Variants in OPCML observed in about 807,000 individuals in gnomAD.
OPCML encodes the protein opioid-binding protein/cell adhesion molecule.
A neutral mutation model predicts 37.8 loss-of-function variants in OPCML; 13 were observed. That is an observed-to-expected ratio of 0.34 (90% confidence interval 0.22 to 0.55). The LOEUF is 0.55. Ranked by LOEUF, OPCML falls within the 20% of genes least tolerant of loss-of-function variation. OPCML has a pLI of 0.91. For missense variants in OPCML, 341 were observed against 435.6 expected (o/e 0.78, Z 1.93); for synonymous variants, 176 against 168.8 (o/e 1.04, Z -0.33).
intron 1 of OPCML, among the ~76,000 whole-genome samples, chr11:133,106,238 G>T (rs1050313972): frequency 1.3e-5 from 2 of 152,192 alleles, no homozygotes; most frequent in African/African-American, 2.4e-5. Flanking sequence ...TGGAGGAAAA[G>T]AAGTTTTATG....
intron 1 of OPCML, among the ~76,000 whole-genome samples, chr11:133,454,987 A>G (rs1039258547): frequency 5.9e-5 from 9 of 152,000 alleles, no homozygotes; most frequent in Admixed American, 2.0e-4. Context: ...TTTTTTTCCC[A>G]TCTGGATTAT....
chr11:132,508,690 C>G (rs958375717), intron 4 of OPCML, among the ~76,000 whole-genome samples: 2 of 152,132 alleles, frequency 1.3e-5, no homozygotes, highest in East Asian at 3.9e-4. Context: ...GGGGTTTCCG[C>G]TTTTGCTTTT....
intron 2 of OPCML, among the ~76,000 whole-genome samples, chr11:132,896,622 G>C (rs1223607787): frequency 6.6e-6 from 1 of 152,190 alleles, no homozygotes; most frequent in Admixed American, 6.5e-5. Context: ...TTACATCAGA[G>C]ATATATCAAC....
intron 1 of OPCML, among the ~76,000 whole-genome samples, chr11:133,138,648 T>C (rs555864925): frequency 6.6e-6 from 1 of 152,234 alleles, no homozygotes; most frequent in African/African-American, 2.4e-5. Context: ...CAAATCCCAT[T>C]TATGCCTAAA....
chr11:132,752,860 T>A lies in OPCML; in HGVS notation c.147-95541A>T, dbSNP rs548846066. Reference sequence around the variant, plus strand: ...CCTGAGGAATTTTAGGTCTCTCAGTTGGCTCTTGTTGAGTCCACCTTCTAA... The same window carrying A: ...CCTGAGGAATTTTAGGTCTCTCAGTAGGCTCTTGTTGAGTCCACCTTCTAA... On this transcript the variant is annotated intron_variant, in intron 2 of 7. Coordinates refer to ENST00000524381, the MANE Select transcript of OPCML (RefSeq NM_001012393.5). Among the ~76,000 whole-genome samples the A allele has an allele frequency of 5.9e-4, 90 of 152,284 alleles. 2 individuals are homozygous for A. The highest frequency in any genetic ancestry group is 5.8e-3 in the South Asian group (28 of 4,826).
intron 1 of OPCML, among the ~76,000 whole-genome samples, chr11:133,199,740 C>T (rs142106967): frequency 5.3e-5 from 8 of 152,314 alleles, no homozygotes; most frequent in African/African-American, 1.4e-4. Context: ...TTAATTAATG[C>T]TAACTACCAA....
intron 1 of OPCML, among the ~76,000 whole-genome samples, chr11:133,505,462 A>G (rs1455162642): frequency 6.6e-6 from 1 of 152,110 alleles, no homozygotes; most frequent in East Asian, 1.9e-4. Context: ...ACCTCCTACC[A>G]CCAAATGCAC....
chr11:132,740,382 A>T (rs1177468466), intron 2 of OPCML, among the ~76,000 whole-genome samples: 1 of 152,158 alleles, frequency 6.6e-6, no homozygotes, highest in South Asian at 2.1e-4. Flanking sequence ...TACACACTCC[A>T]TTAGTGTATG....
At chr11:132,726,602 A>G (rs1944894271) in intron 2 of OPCML, among the ~76,000 whole-genome samples, 1 of 152,144 alleles carries the variant, frequency 6.6e-6, no homozygotes, top group Non-Finnish European at 1.5e-5. Context: ...TCCAGTTACA[A>G]AAGAAATATT....
At chr11:132,505,048 A>G (rs781656898) in intron 4 of OPCML, among the ~76,000 whole-genome samples, 16 of 152,090 alleles carry the variant, frequency 1.1e-4, no homozygotes, top group Admixed American at 5.9e-4. Context: ...AAAAAGTACC[A>G]TTTCATAAAG....
chr11:132,907,361 A>G (rs1383882261), intron 2 of OPCML, among the ~76,000 whole-genome samples: 1 of 152,048 alleles, frequency 6.6e-6, no homozygotes, highest in Admixed American at 6.6e-5. Context: ...GCTTCAAGAA[A>G]TTGGCTCATG....
In OPCML at chr11:132,485,028, C is replaced by A. The variant is rs532412035; in HGVS notation, c.505+44033G>T. The stretch of plus-strand genomic sequence containing the variant: ...GCACATGTATACATATGTAACTAAC[C>A]TGCACATTGTGCACATGTACCCTAA... On this transcript the variant is annotated intron_variant, in intron 4 of 7. Transcript: ENST00000524381. Among the ~76,000 whole-genome samples the A allele has an allele frequency of 5.3e-4, 80 of 152,106 alleles. No homozygotes were observed. The South Asian group carries it at 0.01, about 19-fold the overall frequency.
intron 1 of OPCML, among the ~76,000 whole-genome samples, chr11:133,158,346 T>G (rs1349887518): frequency 6.6e-6 from 1 of 152,116 alleles, no homozygotes. Context: ...AAGTAAATGA[T>G]AATTATAAGG....
chr11:133,383,005 C>G (rs1254579849), intron 1 of OPCML, among the ~76,000 whole-genome samples: 1 of 152,092 alleles, frequency 6.6e-6, no homozygotes, highest in Non-Finnish European at 1.5e-5. Flanking sequence ...ACAACTCAGC[C>G]AAAAAGGAGC....
At chr11:133,425,569 A>C (rs565296150) in intron 1 of OPCML, among the ~76,000 whole-genome samples, 1 of 152,294 alleles carries the variant, frequency 6.6e-6, no homozygotes, top group South Asian at 2.1e-4. Flanking sequence ...TTAGCATGTA[A>C]TAGCTCCAAC....
At chr11:132,736,939 A>G (rs1591536716) in intron 2 of OPCML, among the ~76,000 whole-genome samples, 2 of 152,356 alleles carry the variant, frequency 1.3e-5, no homozygotes, top group Middle Eastern at 6.8e-3. Context: ...GTATATAGCA[A>G]TAGATAATTA....
chr11:133,204,897 T>C (rs1054758513), intron 1 of OPCML, among the ~76,000 whole-genome samples: 3 of 79,510 alleles, frequency 3.8e-5, no homozygotes, highest in South Asian at 3.9e-4. Flanking sequence ...TATATATATA[T>C]ATATATATAT....
intron 1 of OPCML, among the ~76,000 whole-genome samples, chr11:133,335,101 A>G (rs1007386187): frequency 2.0e-5 from 3 of 152,210 alleles, no homozygotes; most frequent in Non-Finnish European, 2.9e-5. Context: ...TGCTCTCTAC[A>G]TGTCATTAGC....
intron 1 of OPCML, among the ~76,000 whole-genome samples, chr11:133,189,089 C>T (rs1355462151): frequency 6.6e-6 from 1 of 152,180 alleles, no homozygotes; most frequent in Non-Finnish European, 1.5e-5. Flanking sequence ...AAATGGTTCT[C>T]ACCATCCATC....
Sources: gnomAD v4.1 joint callset for allele counts (sites outside exome capture counted in the v4.1 genomes callset) on GRCh38, gnomAD v4.1.1 for gene constraint, MANE v1.5 for transcripts, NCBI Gene and HGNC (gene_info 2026-07-23, HGNC 2026-07-21) for gene names.